PPARA: variants seen among roughly 807,000 people sequenced by gnomAD.
PPARA encodes peroxisome proliferator activated receptor alpha, also known as peroxisome proliferator-activated receptor alpha.
PPARA carries 22 observed loss-of-function variants against 42.2 expected under a neutral mutation model. The observed-to-expected ratio is 0.52, with a 90% CI of 0.37 to 0.74. The LOEUF is 0.74. Ranked by LOEUF, PPARA falls within the 30% of genes least tolerant of loss-of-function variation. The pLI, the probability that PPARA is intolerant of heterozygous loss-of-function variation, is 0.00. For missense variants in PPARA, 465 were observed against 608.2 expected, an observed-to-expected ratio of 0.76 and a Z score of 2.48; for synonymous variants, 242 against 239.3, an observed-to-expected ratio of 1.01 and a Z score of -0.10.
Position 46,225,789 on chromosome 22 carries a change from CCCCACA to C in PPARA, c.711+5777_711+5782del. 6.8e-6 allele frequency among the ~76,000 whole-genome samples: 1 copy of C among 146,780 alleles called. No individual in the cohort carries two copies. Among genetic ancestry groups the C allele is most frequent in the African/African-American group, 2.5e-5 (1 of 40,234 alleles). On this transcript the variant is annotated intron_variant, in intron 7 of 8. Transcript: ENST00000407236. This position sits in a 1 kb window ranked among gnomAD's most constrained non-coding sequence, Gnocchi z 4.1. ...TGCATGCACGTGTAAACACACACAC[CCCCACA>C]CATACACGTGCACCCACACATGCAC...
rs551555958 is a variant in PPARA, at chr22:46,183,756, C to T, written c.-43+6920C>T. ...ACTCTGTGTCCAAAACAAAACAAAA[C>T]AAAACAAAAAAAGCTAAATTATCAA... On this transcript the variant is annotated intron_variant, in intron 3 of 8. Coordinates refer to ENST00000407236, the MANE Select transcript of PPARA (RefSeq NM_005036.6). This position sits in a 1 kb window ranked among gnomAD's most constrained non-coding sequence, Gnocchi z 5.5. Among the ~76,000 whole-genome samples the T allele has an allele frequency of 6.6e-6, 1 of 152,012 alleles. No individual in the cohort carries two copies. The highest frequency in any genetic ancestry group is 1.9e-4 in the East Asian group (1 of 5,190).
At chr22:46,189,543 T>C (rs4253699) in intron 3 of PPARA, among the ~76,000 whole-genome samples, 33,836 of 152,162 alleles carry the variant, frequency 0.22, 4,144 homozygotes, top group African/African-American at 0.32. Flanking sequence ...ATTTATGATG[T>C]ATTTGATTTA....
Position 46,240,512 on chromosome 22 carries a change from C to G in PPARA, c.*5132C>G. Reference sequence around the variant, plus strand: ...CATGGTTGGCCTGATGCAGGGATCCCGAGGGATTACTTTTTAGACCTTCTT... The same window carrying G: ...CATGGTTGGCCTGATGCAGGGATCCGGAGGGATTACTTTTTAGACCTTCTT... On this transcript the variant is annotated 3_prime_UTR_variant, in exon 9 of 9. Coordinates refer to ENST00000407236, the MANE Select transcript of PPARA (RefSeq NM_005036.6). This position sits in a 1 kb window ranked among gnomAD's most constrained non-coding sequence, Gnocchi z 6.0. 2.8e-6 allele frequency: 1 copy of G among 363,602 alleles called. No individual in the cohort carries two copies. Among genetic ancestry groups the G allele is most frequent in the Non-Finnish European group, 4.9e-6 (1 of 204,452 alleles). The allele number at this position is 363,602 out of a possible 1,614,324, so 22.5% of individuals were successfully genotyped here. A position where few individuals can be genotyped will look rare whatever the true frequency, so the allele number is the denominator to read the frequency against.
At chr22:46,201,983 T>G (rs1222270088) in intron 4 of PPARA, among the ~76,000 whole-genome samples, 1 of 152,208 alleles carries the variant, frequency 6.6e-6, no homozygotes, top group Admixed American at 6.5e-5. Context: ...AAAAATATAG[T>G]TCATTGTCTA....
In PPARA at chr22:46,150,582, T is replaced by G. The variant is rs1379612464; in HGVS notation, c.-280T>G. 4 of 135,568 alleles carry G rather than the reference T, an allele frequency of 3.0e-5. No individual in the cohort carries two copies. The highest frequency in any genetic ancestry group is 6.3e-5 in the Non-Finnish European group (4 of 62,994). 8.4% of individuals were successfully genotyped at this position (135,568 alleles called of 1,614,324 possible). A position where few individuals can be genotyped will look rare whatever the true frequency, so the allele number is the denominator to read the frequency against. On this transcript the variant is annotated 5_prime_UTR_variant, in exon 1 of 9. Transcript: ENST00000407236. The surrounding 1 kb of genome is among the most constrained non-coding windows in gnomAD (Gnocchi z 7.5). ...GGGCGGCGGGGGCGGAGGCGGCCGC[T>G]AGCGCCCTGCCCGGCGCCGCCTCCT...
Position 46,192,604 on chromosome 22 carries a change from T to G in PPARA, c.-42-5738T>G, listed in dbSNP as rs538613609. Reference sequence around the variant, plus strand: ...GACCTAAAAACTGAATCTCAGTAGTTTGAGCTTATGATATACAAGATGCAG... The same window carrying G: ...GACCTAAAAACTGAATCTCAGTAGTGTGAGCTTATGATATACAAGATGCAG... On this transcript the variant is annotated intron_variant, in intron 3 of 8. Transcript: ENST00000407236. This position sits in a 1 kb window ranked among gnomAD's most constrained non-coding sequence, Gnocchi z 4.3. 9.2e-5 allele frequency among the ~76,000 whole-genome samples: 14 copies of G among 152,324 alleles called. 2 individuals carry two copies. Among genetic ancestry groups the G allele is most frequent in the Admixed American group, 8.5e-4 (13 of 15,290 alleles).
chr22:46,239,078 G>C lies in PPARA; in HGVS notation c.*3698G>C, dbSNP rs1936298036. On this transcript the variant is annotated 3_prime_UTR_variant, in exon 9 of 9. Coordinates refer to ENST00000407236, the MANE Select transcript of PPARA (RefSeq NM_005036.6). ...CAGAAACCCAGAACTCAGCATTCAA[G>C]GATGCCCAGGAGAGCTGTCCCTGTT... is the stretch of plus-strand genomic sequence containing the variant. 6.6e-6 allele frequency: 1 copy of C among 152,320 alleles called. No homozygotes were observed. The highest frequency in any genetic ancestry group is 6.5e-5 in the Admixed American group (1 of 15,294). The allele number at this position is 152,320 out of a possible 1,614,324, so 9.4% of individuals were successfully genotyped here.
rs1926863122 is a variant in PPARA at position 46,165,230 on chromosome 22, T to C, written c.-126-11523T>C. The C allele has an allele frequency of 6.6e-6, 1 of 152,220 alleles. No individual in the cohort carries two copies. Among genetic ancestry groups the C allele is most frequent in the African/African-American group, 2.4e-5 (1 of 41,434 alleles). 9.4% of individuals were successfully genotyped at this position (152,220 alleles called of 1,614,324 possible). ...TTTGTATTTTTAGTAGAGATGGGAT[T>C]TGGCCATGTCAGCCAGGCTGGCCTC... On this transcript the variant is annotated intron_variant, in intron 2 of 8. Transcript: ENST00000407236. This position sits in a 1 kb window ranked among gnomAD's most constrained non-coding sequence, Gnocchi z 5.5.
chr22:46,172,798 A>C (rs529559204), intron 2 of PPARA, among the ~76,000 whole-genome samples: 1 of 152,322 alleles, frequency 6.6e-6, no homozygotes, highest in African/African-American at 2.4e-5. Flanking sequence ...CAGGGTGGCC[A>C]CAGGGCTTGT....
rs1156584282 is a variant in PPARA at position 46,198,355 on chromosome 22, G to A, written c.-29G>A. 4 of 1,606,128 alleles carry A rather than the reference G, an allele frequency of 2.5e-6. No individual in the cohort carries two copies. Among genetic ancestry groups the A allele is most frequent in the Middle Eastern group, 3.4e-4 (2 of 5,884 alleles). ...CTTTCCTCCCAGTAGCTTGGAGCTCGGCGGCACAACCAGCACCATCTGGTC... is the reference window on the plus strand; with the variant it reads ...CTTTCCTCCCAGTAGCTTGGAGCTCAGCGGCACAACCAGCACCATCTGGTC... On this transcript the variant is annotated 5_prime_UTR_variant, in exon 4 of 9. Transcript: ENST00000407236.
intron 2 of PPARA, among the ~76,000 whole-genome samples, chr22:46,159,094 T>C (rs1223529807): frequency 6.6e-6 from 1 of 152,172 alleles, no homozygotes; most frequent in Non-Finnish European, 1.5e-5. Context: ...TTTCACCATG[T>C]TGGCCAGGCT....
chr22:46,209,645 T>A (rs376646455), intron 4 of PPARA, among the ~76,000 whole-genome samples: 3 of 152,362 alleles, frequency 2.0e-5, no homozygotes, highest in African/African-American at 7.2e-5. Context: ...TTTTCATAAC[T>A]AGAAGCATGA....
chr22:46,170,081 A>G (rs1927748451), intron 2 of PPARA, among the ~76,000 whole-genome samples: 1 of 150,464 alleles, frequency 6.6e-6, no homozygotes, highest in Non-Finnish European at 1.5e-5. Flanking sequence ...TTCCATTAGC[A>G]TTCTTGTCAC....
At position 46,221,186 on chromosome 22, in the gene PPARA, C is replaced by T. The variant is rs990329236; in HGVS notation, c.711+1172C>T. Among the ~76,000 whole-genome samples the T allele has an allele frequency of 1.3e-5, 2 of 152,038 alleles. No homozygotes were observed. The highest frequency in any genetic ancestry group is 4.8e-5 in the African/African-American group (2 of 41,390). ...AAACAAGAGACACACACTTTTCACC[C>T]ATCAGATCTTGTGAGAACGCTATCA... On this transcript the variant is annotated intron_variant, in intron 7 of 8. Transcript: ENST00000407236. This position sits in a 1 kb window ranked among gnomAD's most constrained non-coding sequence, Gnocchi z 5.9.
chr22:46,185,840 A>G (rs1386256907), intron 3 of PPARA, among the ~76,000 whole-genome samples: 3 of 138,406 alleles, frequency 2.2e-5, no homozygotes, highest in African/African-American at 8.1e-5. Flanking sequence ...GGTTGTGGTG[A>G]GCCAAGATCA....
intron 3 of PPARA, among the ~76,000 whole-genome samples, chr22:46,177,592 G>A (rs1288531973): frequency 2.0e-5 from 3 of 152,160 alleles, no homozygotes; most frequent in Non-Finnish European, 4.4e-5. Context: ...TTGAGTTTTT[G>A]TGAAGAGAGA....
intron 5 of PPARA, among the ~76,000 whole-genome samples, chr22:46,217,209 C>T (rs1208838409): frequency 1.3e-5 from 2 of 152,160 alleles, no homozygotes; most frequent in Non-Finnish European, 2.9e-5. Flanking sequence ...CGTCAGCCTG[C>T]CTCTCACATT....
At chr22:46,157,239 G>T (rs558823389) in intron 2 of PPARA, among the ~76,000 whole-genome samples, 3 of 152,328 alleles carry the variant, frequency 2.0e-5, no homozygotes, top group African/African-American at 7.2e-5. Context: ...CTGATTAATA[G>T]AATTTAATTC....
rs2147344687 is a variant in PPARA, at chr22:46,193,613, T to A, written c.-42-4729T>A. ...TTAAATAATTTTTAAAATAAAAAAATAAATTGTAAGGGAAAGAAAATTATG... is the reference window on the plus strand; with the variant it reads ...TTAAATAATTTTTAAAATAAAAAAAAAAATTGTAAGGGAAAGAAAATTATG... On this transcript the variant is annotated intron_variant, in intron 3 of 8. Transcript: ENST00000407236. The surrounding 1 kb of genome is among the most constrained non-coding windows in gnomAD (Gnocchi z 5.3). 6.6e-6 allele frequency among the ~76,000 whole-genome samples: 1 copy of A among 152,028 alleles called. No homozygotes were observed. Among genetic ancestry groups the A allele is most frequent in the East Asian group, 1.9e-4 (1 of 5,174 alleles).
Sources: gnomAD v4.1 joint callset for allele counts (sites outside exome capture counted in the v4.1 genomes callset) on GRCh38, gnomAD v4.1.1 for gene constraint, Gnocchi (gnomAD v3.1) non-coding constraint, MANE v1.5 for transcripts, NCBI Gene and HGNC (gene_info 2026-07-23, HGNC 2026-07-21) for gene names.